TP73: variants seen among roughly 807,000 people sequenced by gnomAD.
TP73 encodes the protein p53-like transcription factor.
Under a neutral mutation model 62.5 loss-of-function variants are expected in TP73, and 25 were observed. The ratio of observed to expected loss-of-function variants is 0.40; its 90% CI spans 0.29 to 0.56. The LOEUF is 0.56. TP73 is among the 20% of genes least tolerant of loss of function. The pLI is 0.46. For missense variants in TP73, 754 were observed against 913.3 expected, an observed-to-expected ratio of 0.83 and a Z score of 2.25; for synonymous variants, 423 against 377.5, an observed-to-expected ratio of 1.12 and a Z score of -1.40.
Position 3,733,032 on chromosome 1 carries a change from C to G in TP73, c.1864C>G (p.Arg622Gly), listed in dbSNP as rs1472222989. 5.2e-6 allele frequency: 8 copies of G among 1,547,642 alleles called. No homozygotes were observed. Among genetic ancestry groups the G allele is most frequent in the Non-Finnish European group, 6.9e-6 (8 of 1,151,188 alleles). Reference protein sequence around the residue: ...FGFDLPDCKARKQPIKEEFTE... With the variant: ...FGFDLPDCKAGKQPIKEEFTE... ...CTTCGACCTGCCCGACTGCAAGGCC[C>G]GCAAGCAGCCCATCAAGGAGGAGTT... Residue 622 changes from arginine (R) to glycine (G), a missense_variant, in exon 14 of 14, where the codon CGC becomes GGC. By Grantham distance (125) the Arg-to-Gly change is moderately radical (BLOSUM62 -2). Around this residue, in one of 3 missense-constraint regions of TP73, gnomAD observed 458 missense variants for 528.7 expected, o/e 0.87. Transcript: ENST00000378295.
At position 3,729,335 on chromosome 1, in the gene TP73, C is replaced by A. The variant is rs562852604; in HGVS notation, c.1083C>A (p.Gly361=). The change falls in exon 10 of 14, where the codon GGC becomes GGA. Residue 361 remains glycine, a synonymous_variant. Transcript: ENST00000378295. The stretch of plus-strand genomic sequence containing the variant: ...TGCTCCTCTGTGCTCAGGTGCGAGG[C>A]CGGGAGAACTTTGAGATCCTGATGA... ...DEDTYYLQVR[G]RENFEILMKL... is the part of the protein sequence containing the mutation. 1.9e-6 allele frequency: 3 copies of A among 1,613,138 alleles called. No homozygotes were observed. The highest frequency in any genetic ancestry group is 2.2e-5 in the East Asian group (1 of 44,870).
At chr1:3,706,862 C>T (rs1245433898) in intron 3 of TP73, among the ~76,000 whole-genome samples, 5 of 152,234 alleles carry the variant, frequency 3.3e-5, no homozygotes, top group East Asian at 3.9e-4. Flanking sequence ...GAGAGAACCC[C>T]GGGCCAGGGG....
chr1:3,731,082 G>A lies in TP73; in HGVS notation c.1484+17G>A, dbSNP rs1350640559. ...CCTCGTCAGGTGCGTGGGCTGCCGAGGGCCTGAGCATGTGCTGTCACCCTG... is the reference window on the plus strand; with the variant it reads ...CCTCGTCAGGTGCGTGGGCTGCCGAAGGCCTGAGCATGTGCTGTCACCCTG... On this transcript the variant is annotated intron_variant, in intron 12 of 13. Coordinates refer to ENST00000378295, the MANE Select transcript of TP73 (RefSeq NM_005427.4). 1 of 1,606,894 alleles carries A rather than the reference G, an allele frequency of 6.2e-7. No individual in the cohort carries two copies. Among genetic ancestry groups the A allele is most frequent in the African/African-American group, 1.3e-5 (1 of 74,822 alleles).
At chr1:3,668,360 G>A (rs1479464987) in intron 1 of TP73, among the ~76,000 whole-genome samples, 2 of 152,218 alleles carry the variant, frequency 1.3e-5, no homozygotes, top group African/African-American at 4.8e-5. Flanking sequence ...CCGTGCTGCT[G>A]CAATTGTGGG....
At chr1:3,655,326 G>T (rs1644842782) in intron 1 of TP73, among the ~76,000 whole-genome samples, 1 of 152,186 alleles carries the variant, frequency 6.6e-6, no homozygotes, top group Non-Finnish European at 1.5e-5. Context: ...GGCAGAGGTT[G>T]CAGTGAGCCG....
chr1:3,657,691 C>T (rs35155087), intron 1 of TP73, among the ~76,000 whole-genome samples: 1,935 of 152,328 alleles, frequency 0.013, 20 homozygotes, highest in Non-Finnish European at 0.021. Context: ...GTCTAAGCCA[C>T]GCCCCTCTTT....
chr1:3,660,773 A>G lies in TP73; in HGVS notation c.-34+8132A>G, dbSNP rs112316919. On this transcript the variant is annotated intron_variant, in intron 1 of 13. Transcript: ENST00000378295. Reference sequence around the variant, plus strand: ...ACATTTTAGAATTATAGTTGCTTGCAAAAGCTTTCGGGAAAGCATCAGAGC... The same window carrying G: ...ACATTTTAGAATTATAGTTGCTTGCGAAAGCTTTCGGGAAAGCATCAGAGC... Among the ~76,000 whole-genome samples the G allele has an allele frequency of 3.5e-3, 531 of 152,390 alleles. 2 individuals carry two copies. Among genetic ancestry groups the G allele is most frequent in the African/African-American group, 0.012 (516 of 41,588 alleles).
At position 3,665,819 on chromosome 1, in the gene TP73, C is replaced by CTTT. The variant is rs140454580; in HGVS notation, c.-34+13197_-34+13199dup. ...ACAGGCATGAACCACCGTGCCCGGCCTTTTTTTTTTTTTTTTTTTTTAAGA... is the reference window on the plus strand; with the variant it reads ...ACAGGCATGAACCACCGTGCCCGGCCTTTTTTTTTTTTTTTTTTTTTTTTAAGA... On this transcript the variant is annotated intron_variant, in intron 1 of 13. Transcript: ENST00000378295. Among the ~76,000 whole-genome samples the CTTT allele has an allele frequency of 3.2e-4, 31 of 96,886 alleles. 2 individuals carry two copies. Among genetic ancestry groups the CTTT allele is most frequent in the South Asian group, 9.3e-4 (2 of 2,142 alleles). 63.6% of individuals were successfully genotyped at this position (96,886 alleles called of 152,430 possible).
chr1:3,726,987 C>A, intron 6 of TP73, 128 bp from the exon 7 acceptor site: 1 of 667,134 alleles, frequency 1.5e-6, no homozygotes, highest in African/African-American at 1.8e-5. Context: ...CAAATGGCAA[C>A]AACTATAGAG....
rs1642414790 is a variant in TP73, at chr1:3,735,603, A to C, written c.*2524A>C. 6.6e-6 allele frequency: 1 copy of C among 152,240 alleles called. No individual in the cohort carries two copies. Among genetic ancestry groups the C allele is most frequent in the African/African-American group, 2.4e-5 (1 of 41,450 alleles). 9.4% of individuals were successfully genotyped at this position (152,240 alleles called of 1,614,324 possible). A position where few individuals can be genotyped will look rare whatever the true frequency, so the allele number is the denominator to read the frequency against. ...TCAGGAGAAAATGCAAATTCCCAGG[A>C]ACAAGAATCCTTTAAGTGATATGTT... is the stretch of plus-strand genomic sequence containing the variant. On this transcript the variant is annotated 3_prime_UTR_variant, in exon 14 of 14. Transcript: ENST00000378295.
intron 4 of TP73, among the ~76,000 whole-genome samples, chr1:3,717,416 G>C (rs764384242): frequency 1.1e-4 from 16 of 152,244 alleles, no homozygotes; most frequent in Non-Finnish European, 2.4e-4. Flanking sequence ...CTGCAAGCAG[G>C]ACGGTGCACG....
intron 3 of TP73, chr1:3,690,668 T>C: frequency 7.1e-7 from 1 of 1,405,980 alleles, no homozygotes; most frequent in Non-Finnish European, 9.3e-7. Flanking sequence ...CGGGTTTTGT[T>C]GTTGGATTCA....
At chr1:3,683,514 G>T (rs562041895) in intron 3 of TP73, among the ~76,000 whole-genome samples, 2 of 152,220 alleles carry the variant, frequency 1.3e-5, no homozygotes, top group African/African-American at 4.8e-5. Context: ...TGTAGGAAGG[G>T]CTTCTACTGG....
At chr1:3,700,244 G>T (rs1639044267) in intron 3 of TP73, among the ~76,000 whole-genome samples, 1 of 152,062 alleles carries the variant, frequency 6.6e-6, no homozygotes, top group South Asian at 2.1e-4. Context: ...GTGGCCTTTG[G>T]AGATGTGGCC....
chr1:3,681,653 A>G (rs957576611), intron 1 of TP73, among the ~76,000 whole-genome samples: 1 of 152,138 alleles, frequency 6.6e-6, no homozygotes, highest in Non-Finnish European at 1.5e-5. Flanking sequence ...CCAGCTCAGA[A>G]GGCGAGGGGG....
At chr1:3,729,970 C>T in intron 10 of TP73, 30 bp from the exon 11 acceptor site, 2 of 1,559,430 alleles carry the variant, frequency 1.3e-6, no homozygotes, top group Non-Finnish European at 1.7e-6. Context: ...GCCTTGCTTC[C>T]CACCCATGCG....
In TP73 at chr1:3,665,882, C is replaced by T. The variant is rs1369606814; in HGVS notation, c.-34+13241C>T. ...AGGCAAGGTGGCTCACACCTGTAATCCCAGCACTTTGGGAGGCCAAGGCAG... is the reference window on the plus strand; with the variant it reads ...AGGCAAGGTGGCTCACACCTGTAATTCCAGCACTTTGGGAGGCCAAGGCAG... On this transcript the variant is annotated intron_variant, in intron 1 of 13. Coordinates refer to ENST00000378295, the MANE Select transcript of TP73 (RefSeq NM_005427.4). 2.9e-5 allele frequency among the ~76,000 whole-genome samples: 4 copies of T among 139,834 alleles called. No homozygotes were observed. In the East Asian group the frequency reaches 8.7e-4, roughly 30 times the overall value. 91.7% of individuals were successfully genotyped at this position (139,834 alleles called of 152,430 possible). A position where few individuals can be genotyped will look rare whatever the true frequency, so the allele number is the denominator to read the frequency against.
chr1:3,697,023 G>C (rs1638721787), intron 3 of TP73, among the ~76,000 whole-genome samples: 2 of 152,312 alleles, frequency 1.3e-5, no homozygotes, highest in South Asian at 4.1e-4. Context: ...CCCTGAGAGG[G>C]GATGGTGCCG....
intron 3 of TP73, among the ~76,000 whole-genome samples, chr1:3,693,723 G>GCAGCCTCAGCCCCTCCTCCCA (rs1638303496): frequency 1.3e-4 from 14 of 106,704 alleles, no homozygotes; most frequent in Non-Finnish European, 1.9e-4. Context: ...CCCTCCTCCT[G>GCAGCCTCAGCCCCTCCTCCCA]CAATCCCAGC....
Sources: gnomAD v4.1 joint callset for allele counts (sites outside exome capture counted in the v4.1 genomes callset) on GRCh38, gnomAD v4.1.1 for gene constraint, gnomAD v4.1.1 regional missense constraint, MANE v1.5 for transcripts, NCBI Gene and HGNC (gene_info 2026-07-23, HGNC 2026-07-21) for gene names.